Variants in MORF4L1 observed in about 807,000 individuals in gnomAD.
The protein encoded by MORF4L1 is mortality factor 4-like protein 1.
MORF4L1 carries 4 observed loss-of-function variants against 52.9 expected under a neutral mutation model. That is an observed-to-expected ratio of 0.08 (90% confidence interval 0.04 to 0.17). The LOEUF (loss-of-function observed/expected upper bound fraction) is 0.17. Ranked by LOEUF, MORF4L1 falls within the 10% of genes least tolerant of loss-of-function variation. MORF4L1 has a pLI of 1.00. For synonymous variants in MORF4L1, 123 were observed against 134.8 expected (o/e 0.91, Z 0.61); for missense variants, 214 against 390.4 (o/e 0.55, Z 3.81).
At chr15:78,889,922 A>G (rs2056769787) in intron 5 of MORF4L1, among the ~76,000 whole-genome samples, 1 of 151,996 alleles carries the variant, frequency 6.6e-6, no homozygotes, top group Non-Finnish European at 1.5e-5. Context: ...TCTAGAAATA[A>G]TAATGTAAAA....
At position 78,893,606 on chromosome 15, in the gene MORF4L1, C is replaced by A. The variant is rs1340737871; in HGVS notation, c.608C>A (p.Ser203Tyr). 5 of 1,588,528 alleles carry A rather than the reference C, an allele frequency of 3.1e-6. No individual in the cohort carries two copies. In the Admixed American group the frequency reaches 5.1e-5, roughly 16 times the overall value. ...GAGGATTATGCAAATTACAAGAAAT[C>A]TCGTGGAAACACAGATAATAAGTAA... ...ILEDYANYKK[S>Y]RGNTDNKEYA... Residue 203 changes from serine to tyrosine, a missense_variant, in exon 9 of 12, where the codon TCT becomes TAT. Transcript: ENST00000426013.
At chr15:78,873,145 G>A in intron 1 of MORF4L1, 88 bp downstream of exon 1, 1 of 1,543,162 alleles carries the variant, frequency 6.5e-7, no homozygotes, top group Non-Finnish European at 8.7e-7. Flanking sequence ...GGCCGGGGGC[G>A]GCGCGGGCTG....
At position 78,873,070 on chromosome 15, in the gene MORF4L1, C is replaced by T. The variant is rs2056397469; in HGVS notation, c.40+13C>T. On this transcript the variant is annotated intron_variant, in intron 1 of 11. Coordinates refer to ENST00000426013, the MANE Select transcript of MORF4L1 (RefSeq NM_006791.4). ...AAATTCCAGGAGGGTGAGTGTGCGC[C>T]TTTGGGAAAAAGGCACCTAACGGCG... 4 of 1,551,048 alleles carry T rather than the reference C, an allele frequency of 2.6e-6. No individual in the cohort carries two copies. The highest frequency in any genetic ancestry group is 3.5e-6 in the Non-Finnish European group (4 of 1,146,674).
intron 3 of MORF4L1, 89 bp from the exon 4 acceptor site, chr15:78,886,052 A>C (rs774436836): frequency 6.7e-5 from 61 of 908,500 alleles, no homozygotes; most frequent in Non-Finnish European, 1.1e-4. Context: ...AAATTACTTA[A>C]GAGAAATCCA....
chr15:78,892,912 T>G (rs1025653382), intron 8 of MORF4L1: 1 of 153,506 alleles, frequency 6.5e-6, no homozygotes, highest in African/African-American at 2.4e-5. Context: ...ATATACAGTA[T>G]GTGGATATAG....
intron 2 of MORF4L1, among the ~76,000 whole-genome samples, chr15:78,879,469 C>G (rs1384732858): frequency 1.4e-5 from 2 of 140,196 alleles, no homozygotes; most frequent in Non-Finnish European, 3.2e-5. Flanking sequence ...ATCCACCTGC[C>G]TCGGCCTCCC....
At chr15:78,881,060 A>G (rs561471116) in intron 3 of MORF4L1, among the ~76,000 whole-genome samples, 45 of 152,226 alleles carry the variant, frequency 3.0e-4, no homozygotes, top group African/African-American at 1.1e-3. Flanking sequence ...TTACCAGTCC[A>G]TATTCTGAAC....
rs951064632 is a variant in MORF4L1, at chr15:78,879,867, C to T, written c.88-645C>T. ...CGTTTGGCAAACTCTACTAAACTGG[C>T]TGATTTTTCTCCTGGCACCTGACAC... On this transcript the variant is annotated intron_variant, in intron 2 of 11. Transcript: ENST00000426013. Among the ~76,000 whole-genome samples, 8 of 152,068 alleles carry T rather than the reference C, an allele frequency of 5.3e-5. 1 individual carries two copies. Among genetic ancestry groups the T allele is most frequent in the African/African-American group, 1.9e-4 (8 of 41,390 alleles).
At chr15:78,885,092 A>G (rs915300413) in intron 3 of MORF4L1, 6 of 1,577,458 alleles carry the variant, frequency 3.8e-6, no homozygotes, top group East Asian at 2.2e-5. Flanking sequence ...AGGTAAATGC[A>G]TGTTTTGAAA....
At chr15:78,886,701 A>AT (rs1183619080) in intron 4 of MORF4L1, among the ~76,000 whole-genome samples, 1 of 152,202 alleles carries the variant, frequency 6.6e-6, no homozygotes, top group Non-Finnish European at 1.5e-5. Flanking sequence ...CACGCCTGTA[A>AT]TCCCAGCATT....
chr15:78,886,617 T>A (rs1596246733), intron 4 of MORF4L1, among the ~76,000 whole-genome samples: 1 of 152,162 alleles, frequency 6.6e-6, no homozygotes, highest in East Asian at 1.9e-4. Flanking sequence ...TGAAAGACTC[T>A]ATGATTTATA....
chr15:78,891,276 G>T, intron 6 of MORF4L1: 1 of 648,332 alleles, frequency 1.5e-6, no homozygotes, highest in Non-Finnish European at 2.7e-6. Context: ...ATGGAAGATG[G>T]TGATACTAAA....
intron 3 of MORF4L1, among the ~76,000 whole-genome samples, chr15:78,881,354 C>T (rs1287978615): frequency 2.0e-5 from 3 of 151,778 alleles, no homozygotes; most frequent in Non-Finnish European, 2.9e-5. Context: ...TGTCACCATG[C>T]CCAGCTAATT....
intron 1 of MORF4L1, chr15:78,873,303 C>A: frequency 1.6e-6 from 2 of 1,253,146 alleles, no homozygotes; most frequent in Non-Finnish European, 2.1e-6. Flanking sequence ...GCGCGTGGCA[C>A]ACCCTCGTCA....
chr15:78,892,093 A>G (rs1281519670), intron 7 of MORF4L1, 119 bp from the exon 8 acceptor site: 1 of 617,362 alleles, frequency 1.6e-6, no homozygotes, highest in Non-Finnish European at 2.9e-6. Context: ...ATGACAGTAC[A>G]GCTGTATGCT....
chr15:78,891,092 T>G (rs1179854648), intron 6 of MORF4L1, 78 bp downstream of exon 6: 1 of 1,398,096 alleles, frequency 7.2e-7, no homozygotes. Flanking sequence ...AGCTATGAAA[T>G]TTTGGAGTAA....
intron 8 of MORF4L1, chr15:78,893,028 C>G (rs1345172769): frequency 6.5e-6 from 1 of 153,634 alleles, no homozygotes; most frequent in Admixed American, 6.4e-5. Flanking sequence ...GGACAAGTTT[C>G]TTAGCCTTTT....
Position 78,892,197 on chromosome 15 carries a change from C to T in MORF4L1, c.439-15C>T, listed in dbSNP as rs2056813014. 1.3e-6 allele frequency: 2 copies of T among 1,581,810 alleles called. No individual in the cohort carries two copies. The highest frequency in any genetic ancestry group is 1.1e-5 in the South Asian group (1 of 89,170). ...GAAAGGTTAGGTTTTTAATACTCCT[C>T]CTGTTTCTGTTTAGGAGGAAACATT... On this transcript the variant is annotated splice_polypyrimidine_tract_variant and intron_variant, in intron 7 of 11. Coordinates refer to ENST00000426013, the MANE Select transcript of MORF4L1 (RefSeq NM_006791.4).
chr15:78,878,125 C>G lies in MORF4L1; in HGVS notation c.41-88C>G, dbSNP rs568006059. The G allele has an allele frequency of 4.7e-5, 65 of 1,381,756 alleles. No individual in the cohort carries two copies. In the African/African-American group the frequency reaches 7.7e-4, roughly 16 times the overall value. 85.6% of individuals were successfully genotyped at this position (1,381,756 alleles called of 1,614,324 possible). A position where few individuals can be genotyped will look rare whatever the true frequency, so the allele number is the denominator to read the frequency against. On this transcript the variant is annotated intron_variant, in intron 1 of 11. Coordinates refer to ENST00000426013, the MANE Select transcript of MORF4L1 (RefSeq NM_006791.4). ...TTTTTCCTAATTTGGCTAGGAATAC[C>G]TTAATAAAAGTGTGATGACTCTCTA... is the stretch of plus-strand genomic sequence containing the variant.
Sources: gnomAD v4.1 joint callset for allele counts (sites outside exome capture counted in the v4.1 genomes callset) on GRCh38, gnomAD v4.1.1 for gene constraint, MANE v1.5 for transcripts, NCBI Gene and HGNC (gene_info 2026-07-23, HGNC 2026-07-21) for gene names.